Variants in MICAL3 observed in about 807,000 individuals in gnomAD.
MICAL3 encodes [F-actin]-monooxygenase MICAL3.
MICAL3 carries 62 observed loss-of-function variants against 207.4 expected under a neutral mutation model. The observed-to-expected ratio is 0.30, with a 90% CI of 0.24 to 0.37. The LOEUF (loss-of-function observed/expected upper bound fraction) is 0.37, where lower values mean the gene tolerates loss of function less well. Among genes scored for constraint, MICAL3 ranks in the 10% least tolerant of loss-of-function variants. The pLI, the probability that MICAL3 is intolerant of heterozygous loss-of-function variation, is 1.00. For synonymous variants in MICAL3, 1,077 were observed against 1,069.3 expected (o/e 1.01, Z -0.14); for missense variants, 2,368 against 2,635.6 (o/e 0.90, Z 2.22).
At chr22:17,979,360 C>T (rs1013185564) in intron 1 of MICAL3, among the ~76,000 whole-genome samples, 9 of 152,076 alleles carry the variant, frequency 5.9e-5, no homozygotes, top group East Asian at 1.9e-4. Flanking sequence ...GCCTGGCCAA[C>T]GTGGCGAAAC....
intron 1 of MICAL3, among the ~76,000 whole-genome samples, chr22:17,912,843 A>G (rs957271555): frequency 6.6e-6 from 1 of 152,102 alleles, no homozygotes; most frequent in African/African-American, 2.4e-5. Context: ...ACTGCTCTGG[A>G]TAGAACTTCA....
In MICAL3 at chr22:17,896,225, C is replaced by A. The variant is rs574920085; in HGVS notation, c.1322+21G>T. The A allele has an allele frequency of 2.6e-5, 37 of 1,439,276 alleles. No homozygotes were observed. The East Asian group carries it at 4.5e-4, about 17-fold the overall frequency. The allele number at this position is 1,439,276 out of a possible 1,614,324, so 89.2% of individuals were successfully genotyped here. The stretch of plus-strand genomic sequence containing the variant: ...CTTCCCAGTTTTCTCATGAAAGGAA[C>A]CCCGGGTTACTTCCCATTACCTCTC... On this transcript the variant is annotated intron_variant, in intron 9 of 31. Transcript: ENST00000441493.
chr22:17,824,234 C>T (rs1921935406), intron 22 of MICAL3, among the ~76,000 whole-genome samples: 1 of 152,184 alleles, frequency 6.6e-6, no homozygotes, highest in Non-Finnish European at 1.5e-5. Flanking sequence ...GGTTCAAGCC[C>T]AGCCACCCTC....
intron 1 of MICAL3, among the ~76,000 whole-genome samples, chr22:17,911,343 AAAAG>A (rs1470820509): frequency 2.6e-5 from 4 of 152,302 alleles, no homozygotes; most frequent in African/African-American, 9.6e-5. Context: ...TAGAAAAAAA[AAAAG>A]AAACAAAACA....
chr22:17,960,516 A>G (rs1934857592), intron 1 of MICAL3, among the ~76,000 whole-genome samples: 1 of 152,160 alleles, frequency 6.6e-6, no homozygotes, highest in Admixed American at 6.5e-5. Flanking sequence ...TATGGGAAGG[A>G]AACATGCACC....
chr22:18,000,746 C>A (rs1922874856), intron 1 of MICAL3, among the ~76,000 whole-genome samples: 1 of 152,182 alleles, frequency 6.6e-6, no homozygotes, highest in Admixed American at 6.5e-5. Flanking sequence ...ATCGCCCGGC[C>A]GCGCCCACCG....
intron 1 of MICAL3, among the ~76,000 whole-genome samples, chr22:17,939,289 TCA>T (rs1933700871): frequency 6.6e-6 from 1 of 152,090 alleles, no homozygotes; most frequent in Non-Finnish European, 1.5e-5. Flanking sequence ...TATAAATCAC[TCA>T]GTTTCAGGCA....
chr22:17,944,886 GCTGTACTATTCA>G (rs1043858946), intron 1 of MICAL3, among the ~76,000 whole-genome samples: 3 of 152,052 alleles, frequency 2.0e-5, no homozygotes, highest in South Asian at 2.1e-4. Context: ...CCTGGGGACC[GCTGTACTATTCA>G]CTTCCAGGAA....
At chr22:17,862,141 G>C in intron 19 of MICAL3, 1 of 985,332 alleles carries the variant, frequency 1.0e-6, no homozygotes, top group Non-Finnish European at 1.2e-6. Flanking sequence ...ATCAAGTGCC[G>C]TCATCATCGC....
intron 20 of MICAL3, among the ~76,000 whole-genome samples, chr22:17,832,824 C>T (rs1922949579): frequency 6.6e-6 from 1 of 152,150 alleles, no homozygotes; most frequent in South Asian, 2.1e-4. Context: ...CGACAGATTC[C>T]ATTTCCTGGC....
intron 1 of MICAL3, among the ~76,000 whole-genome samples, chr22:17,992,364 A>G (rs1356044115): frequency 6.6e-6 from 1 of 152,250 alleles, no homozygotes; most frequent in African/African-American, 2.4e-5. Context: ...TGCAAGAAAT[A>G]AAACCAAATC....
At position 17,818,862 on chromosome 22, in the gene MICAL3, A is replaced by AAGGCTGGGGCTGGGAGCAGATGGGGAGT; in HGVS notation, c.3771_3798dup (p.Ser1267ThrfsTer46). Reference sequence around the variant, plus strand: ...GGGGATGGGACAGTGGCCTCGGTGGAAGGCTGGGGCTGGGAGCAGATGGGG... The same window carrying AAGGCTGGGGCTGGGAGCAGATGGGGAGT: ...GGGGATGGGACAGTGGCCTCGGTGGAAGGCTGGGGCTGGGAGCAGATGGGGAGTAGGCTGGGGCTGGGAGCAGATGGGG... On this transcript the variant is annotated frameshift_variant, in exon 26 of 32. Transcript: ENST00000441493. LOFTEE classifies it high-confidence loss of function. 6.5e-7 allele frequency: 1 copy of AAGGCTGGGGCTGGGAGCAGATGGGGAGT among 1,544,778 alleles called. No individual in the cohort carries two copies. Among genetic ancestry groups the AAGGCTGGGGCTGGGAGCAGATGGGGAGT allele is most frequent in the Non-Finnish European group, 8.7e-7 (1 of 1,143,166 alleles).
At chr22:17,946,157 G>C (rs1934056170) in intron 1 of MICAL3, among the ~76,000 whole-genome samples, 1 of 152,184 alleles carries the variant, frequency 6.6e-6, no homozygotes, top group Non-Finnish European at 1.5e-5. Flanking sequence ...CTGTCTCAGG[G>C]AACAGAGACA....
At position 17,965,669 on chromosome 22, in the gene MICAL3, G is replaced by C. The variant is rs1479088191; in HGVS notation, c.-75+58612C>G. 3.3e-5 allele frequency among the ~76,000 whole-genome samples: 5 copies of C among 152,206 alleles called. No individual in the cohort carries two copies. In the South Asian group the frequency reaches 1.0e-3, roughly 32 times the overall value. On this transcript the variant is annotated intron_variant, in intron 1 of 31. Coordinates refer to ENST00000441493, the MANE Select transcript of MICAL3 (RefSeq NM_015241.3). ...ACTTGCCCCAAGTCACACAGTAAGAGCTGACACCTGATCCCAGGAAGCCTG... is the reference window on the plus strand; with the variant it reads ...ACTTGCCCCAAGTCACACAGTAAGACCTGACACCTGATCCCAGGAAGCCTG...
At chr22:17,822,380 C>T (rs754365058) in intron 23 of MICAL3, among the ~76,000 whole-genome samples, 14 of 152,228 alleles carry the variant, frequency 9.2e-5, no homozygotes, top group African/African-American at 1.9e-4. Flanking sequence ...CTTTGCAACG[C>T]GGGGCCGCAT....
intron 1 of MICAL3, among the ~76,000 whole-genome samples, chr22:17,970,257 T>C (rs550728812): frequency 2.6e-5 from 4 of 151,996 alleles, no homozygotes; most frequent in African/African-American, 7.3e-5. Context: ...GATTTGAGAA[T>C]GGACGCCAGG....
At chr22:17,824,743 C>A (rs1366153597) in intron 22 of MICAL3, among the ~76,000 whole-genome samples, 1 of 152,030 alleles carries the variant, frequency 6.6e-6, no homozygotes. Context: ...AGCATCGGCA[C>A]CTGCTGGGGG....
intron 17 of MICAL3, among the ~76,000 whole-genome samples, chr22:17,866,892 T>TA (rs779838058): frequency 1.3e-5 from 2 of 152,222 alleles, no homozygotes; most frequent in Non-Finnish European, 2.9e-5. Context: ...TACTCTCACT[T>TA]AAAGAGCGAC....
At chr22:18,002,681 T>A (rs1003177544) in intron 1 of MICAL3, among the ~76,000 whole-genome samples, 4 of 152,054 alleles carry the variant, frequency 2.6e-5, no homozygotes, top group Non-Finnish European at 4.4e-5. Context: ...ATATATCTTG[T>A]ATGACCTTGA....
Sources: allele counts gnomAD v4.1 joint callset (sites outside exome capture counted in the v4.1 genomes callset), GRCh38; gene constraint gnomAD v4.1.1; transcripts MANE v1.5; gene names NCBI Gene and HGNC (gene_info 2026-07-23, HGNC 2026-07-21).